The following AUTS2 variants were observed in gnomAD, a reference collection of about 807,000 sequenced individuals.
The protein encoded by AUTS2 is activator of transcription and developmental regulator AUTS2.
AUTS2 carries 17 observed loss-of-function variants against 112.4 expected under a neutral mutation model. That is an observed-to-expected ratio of 0.15 (90% CI 0.10 to 0.23). The LOEUF (loss-of-function observed/expected upper bound fraction) is 0.23. Ranked by LOEUF, AUTS2 falls within the 10% of genes least tolerant of loss-of-function variation. The pLI is 1.00. For synonymous variants in AUTS2, 751 were observed against 702.7 expected, an observed-to-expected ratio of 1.07 and a Z score of -1.09; for missense variants, 1,510 against 1,701.6, an observed-to-expected ratio of 0.89 and a Z score of 1.98.
chr7:70,482,278 C>A (rs1797820679), intron 5 of AUTS2, among the ~76,000 whole-genome samples: 2 of 152,170 alleles, frequency 1.3e-5, no homozygotes, highest in Non-Finnish European at 2.9e-5. Flanking sequence ...TCCTACTCCC[C>A]ACCTCTGGGG....
At chr7:70,118,352 T>C (rs937795786) in intron 3 of AUTS2, 119 bp downstream of exon 3, 7 of 1,188,588 alleles carry the variant, frequency 5.9e-6, no homozygotes, top group Admixed American at 3.4e-5. Flanking sequence ...ACTTTTTGTC[T>C]ACCCAAGCAT....
At chr7:70,163,288 G>A (rs1808193200) in intron 4 of AUTS2, among the ~76,000 whole-genome samples, 1 of 134,540 alleles carries the variant, frequency 7.4e-6, no homozygotes, top group African/African-American at 2.8e-5. Context: ...CCAGTAGAAT[G>A]TTCCAAACTG....
chr7:69,705,543 C>G (rs928400661), intron 1 of AUTS2, among the ~76,000 whole-genome samples: 5 of 152,190 alleles, frequency 3.3e-5, no homozygotes, highest in African/African-American at 9.7e-5. Flanking sequence ...TCAGCTATAT[C>G]AAATAGCACC....
intron 5 of AUTS2, among the ~76,000 whole-genome samples, chr7:70,479,432 G>A (rs1382299003): frequency 6.6e-6 from 1 of 152,014 alleles, no homozygotes; most frequent in East Asian, 1.9e-4. Flanking sequence ...ACTTCTCCCC[G>A]AAATACACCA....
intron 4 of AUTS2, among the ~76,000 whole-genome samples, chr7:70,204,760 A>G (rs570122735): frequency 6.6e-6 from 1 of 152,166 alleles, no homozygotes. Context: ...GAACTGATAT[A>G]TGAAATTTTC....
At chr7:70,044,058 C>T (rs781193330) in intron 2 of AUTS2, among the ~76,000 whole-genome samples, 51 of 152,048 alleles carry the variant, frequency 3.4e-4, no homozygotes, top group Non-Finnish European at 6.9e-4. Flanking sequence ...GGAGTATTGG[C>T]GTGTGGTGTT....
At chr7:69,760,708 C>A (rs187335409) in intron 1 of AUTS2, among the ~76,000 whole-genome samples, 63 of 152,278 alleles carry the variant, frequency 4.1e-4, no homozygotes, top group African/African-American at 1.5e-3. Flanking sequence ...GTAATCCCAG[C>A]TACTCAGGAG....
chr7:70,148,897 C>G (rs1004543650), intron 4 of AUTS2, among the ~76,000 whole-genome samples: 9 of 151,958 alleles, frequency 5.9e-5, no homozygotes, highest in Non-Finnish European at 1.3e-4. Context: ...ATGTTTTACA[C>G]AAAACTATTT....
At chr7:70,219,218 T>A (rs755210438) in intron 4 of AUTS2, among the ~76,000 whole-genome samples, 5 of 152,240 alleles carry the variant, frequency 3.3e-5, no homozygotes, top group Admixed American at 2.0e-4. Context: ...CTCTCATTGC[T>A]AGTGATACAT....
At chr7:69,964,386 T>C (rs1797551542) in intron 2 of AUTS2, among the ~76,000 whole-genome samples, 1 of 152,218 alleles carries the variant, frequency 6.6e-6, no homozygotes, top group Non-Finnish European at 1.5e-5. Flanking sequence ...GCGTGCACAC[T>C]ATCCTTAGGC....
chr7:70,485,194 A>G (rs914339162), intron 5 of AUTS2, among the ~76,000 whole-genome samples: 1 of 152,204 alleles, frequency 6.6e-6, no homozygotes, highest in Non-Finnish European at 1.5e-5. Context: ...TGTTTACAGT[A>G]GCACAGTTCA....
chr7:69,631,175 C>G (rs1367549315), intron 1 of AUTS2, among the ~76,000 whole-genome samples: 1 of 145,572 alleles, frequency 6.9e-6, no homozygotes, highest in Non-Finnish European at 1.5e-5. Context: ...TGTGTACACA[C>G]TTTTTTTTTT....
chr7:70,177,922 T>C (rs917337323), intron 4 of AUTS2, among the ~76,000 whole-genome samples: 3 of 151,416 alleles, frequency 2.0e-5, no homozygotes, highest in African/African-American at 7.3e-5. Flanking sequence ...AATTCTGTTT[T>C]TTTTTTTTTT....
chr7:69,856,558 C>T (rs565549454), intron 1 of AUTS2, among the ~76,000 whole-genome samples: 6 of 152,166 alleles, frequency 3.9e-5, no homozygotes, highest in Admixed American at 1.3e-4. Context: ...TTTGATTGGC[C>T]GTCACCTTCT....
At chr7:70,568,515 G>A (rs1358983984) in intron 5 of AUTS2, among the ~76,000 whole-genome samples, 1 of 152,138 alleles carries the variant, frequency 6.6e-6, no homozygotes, top group Non-Finnish European at 1.5e-5. Context: ...AAGAGCCAGG[G>A]CAATTGGATG....
intron 5 of AUTS2, among the ~76,000 whole-genome samples, chr7:70,633,898 C>T (rs922525396): frequency 3.3e-5 from 5 of 152,064 alleles, no homozygotes; most frequent in African/African-American, 1.2e-4. Context: ...TCATCATTGT[C>T]GGATGCTGGT....
rs112503412 is a variant in AUTS2 at position 70,457,652 on chromosome 7, G to C, written c.690+21871G>C. Among the ~76,000 whole-genome samples the C allele has an allele frequency of 4.3e-4, 66 of 152,310 alleles. 2 individuals are homozygous for C. Among genetic ancestry groups the C allele is most frequent in the African/African-American group, 1.4e-3 (59 of 41,564 alleles). The stretch of plus-strand genomic sequence containing the variant: ...TGGATGGACTGCATTGGACAGAGGT[G>C]GGGGTGGTGGAGGGAGTGGAATTTA... On this transcript the variant is annotated intron_variant, in intron 5 of 18. Coordinates refer to ENST00000342771, the MANE Select transcript of AUTS2 (RefSeq NM_015570.4).
intron 5 of AUTS2, among the ~76,000 whole-genome samples, chr7:70,684,703 T>C (rs1422364301): frequency 6.6e-6 from 1 of 151,796 alleles, no homozygotes; most frequent in African/African-American, 2.4e-5. Flanking sequence ...GGATGGACAG[T>C]GGGAGCATGG....
chr7:70,690,696 T>C (rs1040779912), intron 5 of AUTS2, among the ~76,000 whole-genome samples: 20 of 152,224 alleles, frequency 1.3e-4, no homozygotes, highest in Admixed American at 3.3e-4. Flanking sequence ...GACAGAGTGG[T>C]TCATGCCTGT....
Sources: gnomAD v4.1 joint callset for allele counts (sites outside exome capture counted in the v4.1 genomes callset) on GRCh38, gnomAD v4.1.1 for gene constraint, MANE v1.5 for transcripts, NCBI Gene and HGNC (gene_info 2026-07-23, HGNC 2026-07-21) for gene names.